The following UNCX variants were observed in gnomAD, a reference collection of about 807,000 sequenced individuals.
UNCX encodes the protein UNC homeobox.
UNCX carries 4 observed loss-of-function variants against 14.8 expected under a neutral mutation model. The ratio of observed to expected loss-of-function variants is 0.27; its 90% CI spans 0.13 to 0.62. The LOEUF (loss-of-function observed/expected upper bound fraction) is 0.62, where lower values mean the gene tolerates loss of function less well. UNCX is among the 20% of genes least tolerant of loss of function. The pLI, the probability that UNCX is intolerant of heterozygous loss-of-function variation, is 0.86. For synonymous variants in UNCX, 459 were observed against 395.8 expected, an observed-to-expected ratio of 1.16 and a Z score of -1.90; for missense variants, 749 against 786.8, an observed-to-expected ratio of 0.95 and a Z score of 0.58.
chr7:1,233,410 T>G lies in UNCX; in HGVS notation c.275-110T>G. 1 of 1,163,304 alleles carries G rather than the reference T, an allele frequency of 8.6e-7. No homozygotes were observed. Among genetic ancestry groups the G allele is most frequent in the Non-Finnish European group, 1.1e-6 (1 of 910,822 alleles). The allele number at this position is 1,163,304 out of a possible 1,614,324, so 72.1% of individuals were successfully genotyped here. On this transcript the variant is annotated intron_variant, in intron 1 of 2. Transcript: ENST00000316333. The surrounding 1 kb of genome is among the most constrained non-coding windows in gnomAD (Gnocchi z 5.3). ...GAGAGCCGGCTCCTAGGCGGCCGTCTCTGCGCCCCCCCCCCCGGATCCAGG... is the reference window on the plus strand; with the variant it reads ...GAGAGCCGGCTCCTAGGCGGCCGTCGCTGCGCCCCCCCCCCCGGATCCAGG...
rs987852964 is a variant in UNCX at position 1,236,251 on chromosome 7, A to G, written c.870A>G (p.Arg290=). The change falls in exon 3 of 3, where the codon AGA becomes AGG. Residue 290 remains arginine, a synonymous_variant. Coordinates refer to ENST00000316333, the MANE Select transcript of UNCX (RefSeq NM_001080461.3). This position sits in a 1 kb window ranked among gnomAD's most constrained non-coding sequence, Gnocchi z 6.9. The part of the protein sequence containing the change: ...TCDPAFYPSQ[R]SGAGPQPRPG... ...ACCCCGCCTTCTACCCGAGCCAAAG[A>G]AGCGGCGCCGGCCCACAGCCGCGCC... 5.8e-6 allele frequency: 8 copies of G among 1,375,860 alleles called. No individual in the cohort carries two copies. The highest frequency in any genetic ancestry group is 7.6e-6 in the Non-Finnish European group (8 of 1,056,956). The allele number at this position is 1,375,860 out of a possible 1,614,324, so 85.2% of individuals were successfully genotyped here.
chr7:1,233,348 T>A lies in UNCX; in HGVS notation c.274+57T>A. The A allele has an allele frequency of 7.6e-7, 1 of 1,320,312 alleles. No individual in the cohort carries two copies. Among genetic ancestry groups the A allele is most frequent in the Non-Finnish European group, 9.6e-7 (1 of 1,042,434 alleles). 81.8% of individuals were successfully genotyped at this position (1,320,312 alleles called of 1,614,324 possible). On this transcript the variant is annotated intron_variant, in intron 1 of 2. Coordinates refer to ENST00000316333, the MANE Select transcript of UNCX (RefSeq NM_001080461.3). The surrounding 1 kb of genome is among the most constrained non-coding windows in gnomAD (Gnocchi z 5.3). ...GTGCGGCTGGGGGCGGGGGCCCTGG[T>A]CCGGCCGAGGCGCTGGGGGGCCCGG... is the stretch of plus-strand genomic sequence containing the variant.
rs1217517431 is a variant in UNCX, at chr7:1,233,271, G to C, written c.254G>C (p.Gly85Ala). 1 of 1,339,340 alleles carries C rather than the reference G, an allele frequency of 7.5e-7. No homozygotes were observed. 83.0% of individuals were successfully genotyped at this position (1,339,340 alleles called of 1,614,324 possible). ...LPAACGVGGD[G>A]QPFKLSDSGD... The stretch of plus-strand genomic sequence containing the variant: ...GCCGCCTGCGGGGTCGGCGGGGACG[G>C]CCAGCCCTTCAAGCTGTCAGGTAGG... Residue 85 changes from glycine to alanine, a missense_variant, in exon 1 of 3, where the codon GGC becomes GCC. Gly to Ala is a moderately conservative substitution (Grantham distance 60). This residue lies in a region of UNCX where 155 missense variants were observed against 166.7 expected (regional missense o/e 0.93). Transcript: ENST00000316333. The surrounding 1 kb of genome is among the most constrained non-coding windows in gnomAD (Gnocchi z 5.3).
Position 1,233,164 on chromosome 7 carries a change from G to T in UNCX, c.147G>T (p.Ser49=). The change falls in exon 1 of 3, where the codon TCG becomes TCT. Residue 49 remains serine, a synonymous_variant. Coordinates refer to ENST00000316333, the MANE Select transcript of UNCX (RefSeq NM_001080461.3). This position sits in a 1 kb window ranked among gnomAD's most constrained non-coding sequence, Gnocchi z 5.3. ...HQLQSAAAAA[S]VPFSIDGLLG... Reference sequence around the variant, plus strand: ...TGCAGTCGGCCGCCGCCGCCGCCTCGGTGCCCTTCTCCATCGACGGCCTGC... The same window carrying T: ...TGCAGTCGGCCGCCGCCGCCGCCTCTGTGCCCTTCTCCATCGACGGCCTGC... 1 of 1,463,352 alleles carries T rather than the reference G, an allele frequency of 6.8e-7. No individual in the cohort carries two copies. The highest frequency in any genetic ancestry group is 9.0e-7 in the Non-Finnish European group (1 of 1,111,556). The allele number at this position is 1,463,352 out of a possible 1,614,324, so 90.6% of individuals were successfully genotyped here.
At position 1,235,911 on chromosome 7, in the gene UNCX, C is replaced by G. The variant is rs960710802; in HGVS notation, c.530C>G (p.Ser177Trp). Residue 177 changes from serine to tryptophan, a missense_variant, in exon 3 of 3, where the codon TCG (serine) becomes TGG (tryptophan). This residue lies in a region of UNCX where 42 missense variants were observed against 112.9 expected (regional missense o/e 0.37). Transcript: ENST00000316333. ...KKGPGRPAHN[S>W]HPTTCSGEPM... The stretch of plus-strand genomic sequence containing the variant: ...GGCCCGGGGCGGCCGGCGCACAACT[C>G]GCACCCGACCACGTGCAGCGGCGAG... 1 of 1,612,482 alleles carries G rather than the reference C, an allele frequency of 6.2e-7. No individual in the cohort carries two copies. The highest frequency in any genetic ancestry group is 8.5e-7 in the Non-Finnish European group (1 of 1,179,714).
chr7:1,233,941 A>G lies in UNCX; in HGVS notation c.450+246A>G, dbSNP rs1209579042. Among the ~76,000 whole-genome samples the G allele has an allele frequency of 6.6e-6, 1 of 152,266 alleles. No homozygotes were observed. The highest frequency in any genetic ancestry group is 1.9e-4 in the East Asian group (1 of 5,192). On this transcript the variant is annotated intron_variant, in intron 2 of 2. Coordinates refer to ENST00000316333, the MANE Select transcript of UNCX (RefSeq NM_001080461.3). This position sits in a 1 kb window ranked among gnomAD's most constrained non-coding sequence, Gnocchi z 5.3. ...GGCCGGCGGCAGCACCCGAGTCACC[A>G]GAACAGCGGCTGCGTCCGAACCGGG...
Position 1,236,634 on chromosome 7 carries a change from C to A in UNCX, c.1253C>A (p.Ala418Glu). The A allele has an allele frequency of 9.5e-7, 1 of 1,051,652 alleles. No homozygotes were observed. Among genetic ancestry groups the A allele is most frequent in the Non-Finnish European group, 1.1e-6 (1 of 878,950 alleles). 65.1% of individuals were successfully genotyped at this position (1,051,652 alleles called of 1,614,324 possible). ...CCGCCCGCGCCCGCCGTGCCGCCCG[C>A]GCCGCCTGCCCAGGCCAGTTTCGGG... is the stretch of plus-strand genomic sequence containing the variant. ...DAPPAPAVPPAPPAQASFGAF... is the reference protein window; with the variant it reads ...DAPPAPAVPPEPPAQASFGAF... Residue 418 changes from alanine to glutamate, a missense_variant, in exon 3 of 3, where the codon GCG becomes GAG. By Grantham distance (107) the Ala-to-Glu change is moderately radical (BLOSUM62 -1). Transcript: ENST00000316333. This position sits in a 1 kb window ranked among gnomAD's most constrained non-coding sequence, Gnocchi z 6.9.
chr7:1,235,631 C>T (rs1484789596), intron 2 of UNCX, among the ~76,000 whole-genome samples: 1 of 152,232 alleles, frequency 6.6e-6, no homozygotes, highest in Non-Finnish European at 1.5e-5. Flanking sequence ...ACGCGCCTTC[C>T]GGGTGGAAAA....
intron 2 of UNCX, among the ~76,000 whole-genome samples, chr7:1,234,185 A>T (rs6951209): frequency 0.36 from 54,478 of 152,172 alleles, 12,959 homozygotes; most frequent in African/African-American, 0.66. Context: ...AGATGGAAAC[A>T]TGTATTTATT....
chr7:1,233,422 C>G lies in UNCX; in HGVS notation c.275-98C>G, dbSNP rs1204476252. 6.5e-6 allele frequency: 9 copies of G among 1,378,472 alleles called. No individual in the cohort carries two copies. Among genetic ancestry groups the G allele is most frequent in the East Asian group, 2.9e-5 (1 of 34,040 alleles). 85.4% of individuals were successfully genotyped at this position (1,378,472 alleles called of 1,614,324 possible). A position where few individuals can be genotyped will look rare whatever the true frequency, so the allele number is the denominator to read the frequency against. ...CTAGGCGGCCGTCTCTGCGCCCCCC[C>G]CCCCGGATCCAGGCGGCCAGCGGGT... On this transcript the variant is annotated intron_variant, in intron 1 of 2. Transcript: ENST00000316333. This position sits in a 1 kb window ranked among gnomAD's most constrained non-coding sequence, Gnocchi z 5.3.
At chr7:1,234,635 G>A (rs1778706234) in intron 2 of UNCX, among the ~76,000 whole-genome samples, 1 of 146,210 alleles carries the variant, frequency 6.8e-6, no homozygotes, top group Admixed American at 7.1e-5. Context: ...CTTCTGCTTG[G>A]AAATCCTTTC....
At position 1,236,478 on chromosome 7, in the gene UNCX, C is replaced by G. The variant is rs772469774; in HGVS notation, c.1097C>G (p.Pro366Arg). 2.3e-5 allele frequency: 32 copies of G among 1,386,074 alleles called. 1 individual carries two copies. The South Asian group carries it at 3.1e-4, about 14-fold the overall frequency. The allele number at this position is 1,386,074 out of a possible 1,614,324, so 85.9% of individuals were successfully genotyped here. ...GGGCTGGACTTCGCGCCCGGGCTGCCGTGCGCGCCGCGGACCCTGATCGGC... is the reference window on the plus strand; with the variant it reads ...GGGCTGGACTTCGCGCCCGGGCTGCGGTGCGCGCCGCGGACCCTGATCGGC... ...AAGLDFAPGLPCAPRTLIGKG... is the reference protein window; with the variant it reads ...AAGLDFAPGLRCAPRTLIGKG... Residue 366 changes from proline to arginine, a missense_variant, in exon 3 of 3, where the codon CCG becomes CGG. Around this residue, in one of 3 missense-constraint regions of UNCX, gnomAD observed 552 missense variants for 507.2 expected, o/e 1.09. Coordinates refer to ENST00000316333, the MANE Select transcript of UNCX (RefSeq NM_001080461.3). The surrounding 1 kb of genome is among the most constrained non-coding windows in gnomAD (Gnocchi z 6.9).
intron 2 of UNCX, 64 bp from the exon 3 acceptor site, chr7:1,235,768 C>A: frequency 6.7e-7 from 1 of 1,493,366 alleles, no homozygotes; most frequent in Non-Finnish European, 9.1e-7. Flanking sequence ...CGGGGAGGTC[C>A]TCGGCCCCGG....
chr7:1,237,054 T>G lies in UNCX; in HGVS notation c.*77T>G. On this transcript the variant is annotated 3_prime_UTR_variant, in exon 3 of 3. Transcript: ENST00000316333. The surrounding 1 kb of genome is among the most constrained non-coding windows in gnomAD (Gnocchi z 5.8). ...GCTCCGACTCACGCAACGAATCAGG[T>G]GATCGGCTCTAGAAACACTGCTTTC... The G allele has an allele frequency of 9.8e-7, 1 of 1,022,378 alleles. No individual in the cohort carries two copies. The highest frequency in any genetic ancestry group is 1.2e-6 in the Non-Finnish European group (1 of 842,902). The allele number at this position is 1,022,378 out of a possible 1,614,324, so 63.3% of individuals were successfully genotyped here.
rs755172705 is a variant in UNCX, at chr7:1,235,938, C to T, written c.557C>T (p.Pro186Leu). ...CACCCGACCACGTGCAGCGGCGAGC[C>T]CATGGACCCGGAGGAGATCGCGCGC... The part of the protein sequence containing the change: ...NSHPTTCSGE[P>L]MDPEEIARKE... The change falls in exon 3 of 3, where the codon CCC becomes CTC. Residue 186 changes from proline (P) to leucine (L), a missense_variant. By Grantham distance (98) the Pro-to-Leu change is moderately conservative. Coordinates refer to ENST00000316333, the MANE Select transcript of UNCX (RefSeq NM_001080461.3). The T allele has an allele frequency of 6.2e-7, 1 of 1,612,600 alleles. No individual in the cohort carries two copies. The highest frequency in any genetic ancestry group is 1.7e-5 in the Admixed American group (1 of 59,930).
rs768380304 is a variant in UNCX at position 1,234,829 on chromosome 7, C to T, written c.451-1003C>T. 2.3e-4 allele frequency among the ~76,000 whole-genome samples: 34 copies of T among 151,088 alleles called. 1 individual carries two copies. The highest frequency in any genetic ancestry group is 2.9e-4 in the Non-Finnish European group (20 of 67,860). ...GGAGGGCTCGGCTTCATGCTGGAGACCTCCCCATGGACAAGGCTCCCTGCG... is the reference window on the plus strand; with the variant it reads ...GGAGGGCTCGGCTTCATGCTGGAGATCTCCCCATGGACAAGGCTCCCTGCG... On this transcript the variant is annotated intron_variant, in intron 2 of 2. Coordinates refer to ENST00000316333, the MANE Select transcript of UNCX (RefSeq NM_001080461.3).
chr7:1,236,951 G>A lies in UNCX; in HGVS notation c.1570G>A (p.Glu524Lys), dbSNP rs903654275. 8.4e-7 allele frequency: 1 copy of A among 1,197,550 alleles called. No individual in the cohort carries two copies. The highest frequency in any genetic ancestry group is 3.8e-5 in the South Asian group (1 of 26,532). The allele number at this position is 1,197,550 out of a possible 1,614,324, so 74.2% of individuals were successfully genotyped here. A position where few individuals can be genotyped will look rare whatever the true frequency, so the allele number is the denominator to read the frequency against. Residue 524 changes from glutamate to lysine, a missense_variant, in exon 3 of 3, where the codon GAG (glutamate) becomes AAG (lysine). Glu to Lys is a moderately conservative substitution (Grantham distance 56). This residue lies in a region of UNCX where 552 missense variants were observed against 507.2 expected (regional missense o/e 1.09). Transcript: ENST00000316333. This position sits in a 1 kb window ranked among gnomAD's most constrained non-coding sequence, Gnocchi z 6.9. The part of the protein sequence containing the change: ...PGAAAGPSPP[E>K]GEELDMD Reference sequence around the variant, plus strand: ...CGCGGCGGCCGGACCCAGCCCGCCGGAGGGCGAGGAGCTGGACATGGACTG... The same window carrying A: ...CGCGGCGGCCGGACCCAGCCCGCCGAAGGGCGAGGAGCTGGACATGGACTG...
rs1311787185 is a variant in UNCX at position 1,233,576 on chromosome 7, A to T, written c.331A>T (p.Asn111Tyr). The change falls in exon 2 of 3, where the codon AAC (asparagine) becomes TAC (tyrosine). Residue 111 changes from asparagine to tyrosine, a missense_variant. By Grantham distance (143) the Asn-to-Tyr change is moderately radical. Around this residue, in one of 3 missense-constraint regions of UNCX, gnomAD observed 42 missense variants for 112.9 expected, o/e 0.37. Coordinates refer to ENST00000316333, the MANE Select transcript of UNCX (RefSeq NM_001080461.3). This position sits in a 1 kb window ranked among gnomAD's most constrained non-coding sequence, Gnocchi z 5.3. ...CTGCAAGCGGCGGCGCACCCGCACC[A>T]ACTTCACCGGCTGGCAGCTGGAGGA... is the stretch of plus-strand genomic sequence containing the variant. ...PGCKRRRTRTNFTGWQLEELE... is the reference protein window; with the variant it reads ...PGCKRRRTRTYFTGWQLEELE... 6.2e-7 allele frequency: 1 copy of T among 1,612,982 alleles called. No homozygotes were observed. Among genetic ancestry groups the T allele is most frequent in the Non-Finnish European group, 8.5e-7 (1 of 1,179,848 alleles).
At position 1,233,362 on chromosome 7, in the gene UNCX, TG is replaced by T. The variant is rs1266873764; in HGVS notation, c.274+77del. The T allele has an allele frequency of 2.4e-5, 28 of 1,184,566 alleles. No homozygotes were observed. Among genetic ancestry groups the T allele is most frequent in the Non-Finnish European group, 2.8e-5 (27 of 963,598 alleles). The allele number at this position is 1,184,566 out of a possible 1,614,324, so 73.4% of individuals were successfully genotyped here. A position where few individuals can be genotyped will look rare whatever the true frequency, so the allele number is the denominator to read the frequency against. The stretch of plus-strand genomic sequence containing the variant: ...GGGGGCCCTGGTCCGGCCGAGGCGC[TG>T]GGGGGCCCGGGGCTGGCGAAGGAGA... On this transcript the variant is annotated intron_variant, in intron 1 of 2. Coordinates refer to ENST00000316333, the MANE Select transcript of UNCX (RefSeq NM_001080461.3). This position sits in a 1 kb window ranked among gnomAD's most constrained non-coding sequence, Gnocchi z 5.3.
Sources: gnomAD v4.1 joint callset for allele counts (sites outside exome capture counted in the v4.1 genomes callset) on GRCh38, gnomAD v4.1.1 for gene constraint, gnomAD v4.1.1 regional missense constraint, Gnocchi (gnomAD v3.1) non-coding constraint, MANE v1.5 for transcripts, NCBI Gene and HGNC (gene_info 2026-07-23, HGNC 2026-07-21) for gene names.